TM4SF19: variants seen among roughly 807,000 people sequenced by gnomAD.
TM4SF19 encodes the protein transmembrane 4 L six family member 19, also known as transmembrane 4 L6 family member 19.
A neutral mutation model predicts 21.8 loss-of-function variants in TM4SF19; 17 were observed. The ratio of observed to expected loss-of-function variants is 0.78; its 90% CI spans 0.53 to 1.17. TM4SF19 has a LOEUF of 1.17. Ranked by LOEUF, TM4SF19 falls within the 50% of genes most tolerant of loss-of-function variation. The pLI, the probability that TM4SF19 is intolerant of heterozygous loss-of-function variation, is 0.00. For synonymous variants in TM4SF19, 107 were observed against 106.7 expected (o/e 1.00, Z -0.02); for missense variants, 216 against 252.1 (o/e 0.86, Z 0.97).
chr3:196,327,614 C>T (rs755703287), intron 1 of TM4SF19, 23 bp from the exon 2 acceptor site: 18 of 1,604,020 alleles, frequency 1.1e-5, no homozygotes, highest in East Asian at 4.5e-5. Context: ...GAAAGGGAGT[C>T]GCAGCAGCTC....
chr3:196,327,101 AGCTGTT>A, intron 2 of TM4SF19, 69 bp from the exon 3 acceptor site: 1 of 1,309,876 alleles, frequency 7.6e-7, no homozygotes, highest in Non-Finnish European at 1.1e-6. Context: ...TGCTGCCCAC[AGCTGTT>A]AGAGTGGCTG....
intron 3 of TM4SF19, among the ~76,000 whole-genome samples, chr3:196,326,321 AT>A (rs1727287399): frequency 6.6e-6 from 1 of 152,110 alleles, no homozygotes; most frequent in Non-Finnish European, 1.5e-5. Context: ...GCTTCCCAAC[AT>A]GTGGGCTGCA....
Position 196,325,832 on chromosome 3 carries a change from C to T in TM4SF19, c.279+1123G>A, listed in dbSNP as rs1461453419. 6.6e-6 allele frequency among the ~76,000 whole-genome samples: 1 copy of T among 152,182 alleles called. No individual in the cohort carries two copies. The highest frequency in any genetic ancestry group is 1.5e-5 in the Non-Finnish European group (1 of 68,034). On this transcript the variant is annotated intron_variant, in intron 3 of 4. Transcript: ENST00000273695. The surrounding 1 kb of genome is among the most constrained non-coding windows in gnomAD (Gnocchi z 4.3). The stretch of plus-strand genomic sequence containing the variant: ...TGAATCAGAAACTCTGGGGAGGGAG[C>T]CCAGCAATCCGTGTTCCGGCAAAAG...
At chr3:196,333,647 G>A (rs115261853) in intron 1 of TM4SF19, among the ~76,000 whole-genome samples, 1,530 of 152,184 alleles carry the variant, frequency 0.01, 26 homozygotes, top group African/African-American at 0.034. Flanking sequence ...TAGGTACCGC[G>A]CTCACTACCT....
rs1232852420 is a variant in TM4SF19, at chr3:196,325,901, T to G, written c.279+1054A>C. Among the ~76,000 whole-genome samples the G allele has an allele frequency of 6.6e-6, 1 of 152,216 alleles. No homozygotes were observed. The highest frequency in any genetic ancestry group is 2.4e-5 in the African/African-American group (1 of 41,464). On this transcript the variant is annotated intron_variant, in intron 3 of 4. Transcript: ENST00000273695. The surrounding 1 kb of genome is among the most constrained non-coding windows in gnomAD (Gnocchi z 4.3). ...TGCACATTCAAGTGTCAGAACTACG[T>G]GCCACGGGGAAAACCAGAATGAGAA...
chr3:196,326,255 G>A (rs1401552895), intron 3 of TM4SF19, among the ~76,000 whole-genome samples: 3 of 152,088 alleles, frequency 2.0e-5, no homozygotes, highest in Admixed American at 6.6e-5. Context: ...GATTACAGGC[G>A]TGAGCCACCG....
At chr3:196,337,262 G>A (rs922598072) in intron 1 of TM4SF19, among the ~76,000 whole-genome samples, 5 of 151,722 alleles carry the variant, frequency 3.3e-5, no homozygotes, top group Admixed American at 6.6e-5. Flanking sequence ...TTCGCCATGT[G>A]GGTCAGGCTG....
chr3:196,326,652 G>A (rs2108806338), intron 3 of TM4SF19, among the ~76,000 whole-genome samples: 1 of 152,166 alleles, frequency 6.6e-6, no homozygotes, highest in South Asian at 2.1e-4. Flanking sequence ...TGTCCATATT[G>A]TCCAACACCC....
At chr3:196,324,098 G>A in intron 4 of TM4SF19, 101 bp from the exon 5 acceptor site, 1 of 1,481,454 alleles carries the variant, frequency 6.8e-7, no homozygotes, top group South Asian at 1.2e-5. Context: ...CCGGGTCATG[G>A]GACTGGGCTC....
intron 1 of TM4SF19, among the ~76,000 whole-genome samples, chr3:196,330,426 T>TA (rs1000916973): frequency 2.6e-5 from 4 of 152,290 alleles, no homozygotes; most frequent in Admixed American, 6.5e-5. Context: ...TTTACCACAA[T>TA]AAAAAATCAA....
At chr3:196,324,625 A>AC (rs1261929473) in intron 3 of TM4SF19, 185 bp from the exon 4 acceptor site, 10 of 614,472 alleles carry the variant, frequency 1.6e-5, no homozygotes, top group Non-Finnish European at 2.6e-5. Context: ...TGTCCATGGC[A>AC]CCCCCTTTGA....
chr3:196,324,759 A>T, intron 3 of TM4SF19: 1 of 305,438 alleles, frequency 3.3e-6, no homozygotes, highest in East Asian at 6.2e-5. Context: ...GCTTGGCATC[A>T]CAAACCTTTT....
rs1013458008 is a variant in TM4SF19 at position 196,325,197 on chromosome 3, C to T, written c.280-757G>A. 6.6e-6 allele frequency: 1 copy of T among 151,814 alleles called. No homozygotes were observed. Among genetic ancestry groups the T allele is most frequent in the South Asian group, 2.1e-4 (1 of 4,814 alleles). The allele number at this position is 151,814 out of a possible 1,614,324, so 9.4% of individuals were successfully genotyped here. ...CCTTCCTTCCTTCCCTTCCTTCCTT[C>T]TTTCTCTCTCTCTCTTTCTTTTTGA... On this transcript the variant is annotated intron_variant, in intron 3 of 4. Transcript: ENST00000273695. This position sits in a 1 kb window ranked among gnomAD's most constrained non-coding sequence, Gnocchi z 4.3.
chr3:196,328,102 C>A (rs1264696447), intron 1 of TM4SF19, among the ~76,000 whole-genome samples: 1 of 152,116 alleles, frequency 6.6e-6, no homozygotes, highest in African/African-American at 2.4e-5. Context: ...GAGTTCAAGA[C>A]CAGCCTGGCC....
intron 1 of TM4SF19, among the ~76,000 whole-genome samples, chr3:196,337,051 CTTTTT>C (rs35897935): frequency 7.4e-5 from 5 of 67,814 alleles, no homozygotes; most frequent in Non-Finnish European, 7.7e-5. Flanking sequence ...AAAAGCAATT[CTTTTT>C]TTTTTTTTTT....
At chr3:196,337,789 T>G (rs181007826) in intron 1 of TM4SF19, among the ~76,000 whole-genome samples, 1 of 152,080 alleles carries the variant, frequency 6.6e-6, no homozygotes, top group East Asian at 1.9e-4. Flanking sequence ...CAAAAACTTT[T>G]TAATAAACCT....
chr3:196,324,628 C>A (rs1477476909), intron 3 of TM4SF19, 188 bp from the exon 4 acceptor site: 5 of 608,616 alleles, frequency 8.2e-6, no homozygotes, highest in Middle Eastern at 4.4e-4. Flanking sequence ...CCATGGCACC[C>A]CCTTTGAAGC....
intron 2 of TM4SF19, 74 bp downstream of exon 2, chr3:196,327,316 C>T: frequency 7.0e-7 from 1 of 1,429,734 alleles, no homozygotes; most frequent in South Asian, 1.2e-5. Context: ...TCAAAACACT[C>T]TTCCCATGCC....
chr3:196,330,958 TGAACTTCTTGTTTTTTAGAAAAATATGA>T (rs1727481496), intron 1 of TM4SF19, among the ~76,000 whole-genome samples: 1 of 152,190 alleles, frequency 6.6e-6, no homozygotes, highest in South Asian at 2.1e-4. Flanking sequence ...CATTGATATG[TGAACTTCTTGTTTTTTAGAAAAATATGA>T]ATTAAGGCCG....
Sources: allele counts gnomAD v4.1 joint callset (sites outside exome capture counted in the v4.1 genomes callset), GRCh38; gene constraint gnomAD v4.1.1; non-coding constraint Gnocchi (gnomAD v3.1); transcripts MANE v1.5; gene names NCBI Gene and HGNC (gene_info 2026-07-23, HGNC 2026-07-21).